DIS3L2: variants seen among roughly 807,000 people sequenced by gnomAD.
DIS3L2 encodes DIS3 like 3'-5' exoribonuclease 2, also known as DIS3-like exonuclease 2.
DIS3L2 carries 34 observed loss-of-function variants against 97.5 expected under a neutral mutation model. That is an observed-to-expected ratio of 0.35 (90% CI 0.27 to 0.46). DIS3L2 has a LOEUF of 0.46. DIS3L2 is among the 20% of genes least tolerant of loss of function. The pLI, the probability that DIS3L2 is intolerant of heterozygous loss-of-function variation, is 1.00. For synonymous variants in DIS3L2, 435 were observed against 445.2 expected (o/e 0.98, Z 0.29); for missense variants, 1,038 against 1,146.0 (o/e 0.91, Z 1.36).
chr2:232,015,522 G>T lies in DIS3L2; in HGVS notation c.61G>T (p.Ala21Ser). Residue 21 changes from alanine (A) to serine (S), a missense_variant, in exon 3 of 21, where the codon GCT becomes TCT. Coordinates refer to ENST00000325385, the MANE Select transcript of DIS3L2 (RefSeq NM_152383.5). ...CTGCCTCCTGTTTCTAGGTGTGTCTGCTGTGGCTGGTCCACATGACATTGG... is the reference window on the plus strand; with the variant it reads ...CTGCCTCCTGTTTCTAGGTGTGTCTTCTGTGGCTGGTCCACATGACATTGG... ...RPLGTPRGVSAVAGPHDIGAS... is the reference protein window; with the variant it reads ...RPLGTPRGVSSVAGPHDIGAS... 6.2e-7 allele frequency: 1 copy of T among 1,613,874 alleles called. No homozygotes were observed. Among genetic ancestry groups the T allele is most frequent in the Non-Finnish European group, 8.5e-7 (1 of 1,179,846 alleles).
chr2:232,110,017 A>G (rs1191558889), intron 6 of DIS3L2, among the ~76,000 whole-genome samples: 1 of 152,210 alleles, frequency 6.6e-6, no homozygotes, highest in Non-Finnish European at 1.5e-5. Flanking sequence ...ACAAGAAAAC[A>G]CATCCCCATT....
intron 13 of DIS3L2, chr2:232,343,079 C>G: frequency 2.3e-6 from 1 of 429,424 alleles, no homozygotes. Flanking sequence ...GCTGTCCCCT[C>G]CATGTTCCCC....
intron 14 of DIS3L2, 28 bp from the exon 15 acceptor site, chr2:232,329,785 T>TGCCCGGGGGGGCCC: frequency 2.2e-4 from 213 of 967,024 alleles, no homozygotes; most frequent in Middle Eastern, 3.5e-4. Flanking sequence ...ACCCCAGCGG[T>TGCCCGGGGGGGCCC]CCCTCCCATC....
intron 1 of DIS3L2, among the ~76,000 whole-genome samples, chr2:231,986,774 C>T (rs192759821): frequency 6.6e-6 from 1 of 152,174 alleles, no homozygotes; most frequent in Non-Finnish European, 1.5e-5. Flanking sequence ...ACTTCAGAAG[C>T]CTGTTTAACC....
chr2:232,331,165 A>G (rs1234005743), intron 16 of DIS3L2, among the ~76,000 whole-genome samples: 1 of 152,262 alleles, frequency 6.6e-6, no homozygotes, highest in Non-Finnish European at 1.5e-5. Context: ...ACTAGCTGTC[A>G]GCCTCTGGCC....
intron 8 of DIS3L2, among the ~76,000 whole-genome samples, chr2:232,153,540 C>T (rs1690379811): frequency 1.9e-5 from 1 of 53,854 alleles, no homozygotes; most frequent in Non-Finnish European, 3.7e-5. Flanking sequence ...CCACTCTCTT[C>T]TGGCTTGTAG....
intron 6 of DIS3L2, among the ~76,000 whole-genome samples, chr2:232,095,616 A>G (rs749568264): frequency 1.6e-4 from 24 of 152,158 alleles, no homozygotes; most frequent in Admixed American, 4.6e-4. Context: ...CAGTGTTATA[A>G]TATTTCAGTG....
intron 9 of DIS3L2, among the ~76,000 whole-genome samples, chr2:232,195,582 T>TG (rs1350883456): frequency 7.3e-5 from 1 of 13,606 alleles, no homozygotes; most frequent in Non-Finnish European, 1.5e-4. Flanking sequence ...GGGTGGTGGG[T>TG]GGGGGTGCCA....
intron 1 of DIS3L2, among the ~76,000 whole-genome samples, chr2:231,967,435 A>G (rs2106213589): frequency 6.6e-6 from 1 of 152,252 alleles, no homozygotes; most frequent in Admixed American, 6.5e-5. Context: ...TCATTTTTTT[A>G]GGGACCAGCT....
chr2:232,207,762 A>T (rs2106214772), intron 9 of DIS3L2, among the ~76,000 whole-genome samples: 1 of 152,326 alleles, frequency 6.6e-6, no homozygotes, highest in Non-Finnish European at 1.5e-5. Flanking sequence ...TCTTAAAGCC[A>T]TTAACTATAT....
chr2:232,301,835 CTTTTTTTTTT>C (rs557282669), intron 14 of DIS3L2, among the ~76,000 whole-genome samples: 1,202 of 105,488 alleles, frequency 0.011, 35 homozygotes, highest in Admixed American at 0.07. Flanking sequence ...TAGCCTAGCT[CTTTTTTTTTT>C]TTTTTTTTTT....
rs779474825 is a variant in DIS3L2 at position 232,336,758 on chromosome 2, T to C, written c.*128T>C. The C allele has an allele frequency of 2.8e-5, 42 of 1,484,984 alleles. No homozygotes were observed. The highest frequency in any genetic ancestry group is 1.9e-4 in the African/African-American group (13 of 70,154). The allele number at this position is 1,484,984 out of a possible 1,614,324, so 92.0% of individuals were successfully genotyped here. A position where few individuals can be genotyped will look rare whatever the true frequency, so the allele number is the denominator to read the frequency against. ...ACTCAGGGGTTTGTTTTTATTTTTA[T>C]TTAATTTTTGCAGCTCAACTTTTAA... is the stretch of plus-strand genomic sequence containing the variant. On this transcript the variant is annotated 3_prime_UTR_variant, in exon 21 of 21. Coordinates refer to ENST00000325385, the MANE Select transcript of DIS3L2 (RefSeq NM_152383.5).
intron 8 of DIS3L2, among the ~76,000 whole-genome samples, chr2:232,144,840 T>C (rs1344998621): frequency 6.6e-6 from 1 of 152,172 alleles, no homozygotes; most frequent in Non-Finnish European, 1.5e-5. Flanking sequence ...AAAACGTTTC[T>C]CAGTTTGTGT....
At chr2:232,239,035 G>T (rs1242084757) in intron 11 of DIS3L2, among the ~76,000 whole-genome samples, 1 of 152,172 alleles carries the variant, frequency 6.6e-6, no homozygotes, top group African/African-American at 2.4e-5. Flanking sequence ...TTAAGGAAAT[G>T]TTTTCAACCC....
rs1167658476 is a variant in DIS3L2, at chr2:232,299,989, T to A, written c.1660-51T>A. Reference sequence around the variant, plus strand: ...ATTTTTTTCATTTCAGCTATTGGAATGAATAGAGCATGCTGCCTAAAACTT... The same window carrying A: ...ATTTTTTTCATTTCAGCTATTGGAAAGAATAGAGCATGCTGCCTAAAACTT... On this transcript the variant is annotated intron_variant, in intron 13 of 20. Transcript: ENST00000325385. The A allele has an allele frequency of 1.9e-6, 3 of 1,546,680 alleles. No individual in the cohort carries two copies. In the South Asian group the frequency reaches 3.4e-5, roughly 17 times the overall value.
chr2:231,972,901 T>C (rs1440365752), intron 1 of DIS3L2, among the ~76,000 whole-genome samples: 2 of 152,212 alleles, frequency 1.3e-5, no homozygotes, highest in Non-Finnish European at 2.9e-5. Flanking sequence ...ATATTCTTAT[T>C]CTATTTATAT....
At chr2:232,145,323 G>C (rs1210851171) in intron 8 of DIS3L2, among the ~76,000 whole-genome samples, 1 of 152,130 alleles carries the variant, frequency 6.6e-6, no homozygotes, top group Non-Finnish European at 1.5e-5. Context: ...TTTGCTGCCA[G>C]CATGTAGAAT....
intron 5 of DIS3L2, among the ~76,000 whole-genome samples, chr2:232,081,352 AC>A (rs771809395): frequency 6.0e-4 from 92 of 152,262 alleles, no homozygotes; most frequent in Non-Finnish European, 1.1e-3. Flanking sequence ...TCTCTGGTCC[AC>A]CCATAATAAA....
At chr2:232,137,354 C>A (rs1482861807) in intron 8 of DIS3L2, among the ~76,000 whole-genome samples, 2 of 152,132 alleles carry the variant, frequency 1.3e-5, no homozygotes, top group African/African-American at 4.8e-5. Flanking sequence ...AAATGCTATG[C>A]CTATTTTCTT....
Sources: gnomAD v4.1 joint callset for allele counts (sites outside exome capture counted in the v4.1 genomes callset) on GRCh38, gnomAD v4.1.1 for gene constraint, MANE v1.5 for transcripts, NCBI Gene and HGNC (gene_info 2026-07-23, HGNC 2026-07-21) for gene names.